XPO6: variants seen among roughly 807,000 people sequenced by gnomAD.
XPO6 encodes exportin-6.
Under a neutral mutation model 130.0 loss-of-function variants are expected in XPO6, and 3 were observed. The ratio of observed to expected loss-of-function variants is 0.02; its 90% CI spans 0.01 to 0.06. The LOEUF is 0.06. XPO6 is among the 10% of genes least tolerant of loss of function. The pLI is 1.00. For missense variants in XPO6, 970 were observed against 1,393.0 expected, an observed-to-expected ratio of 0.70 and a Z score of 4.83; for synonymous variants, 524 against 548.9, an observed-to-expected ratio of 0.95 and a Z score of 0.63.
chr16:28,101,615 T>C lies in XPO6; in HGVS notation c.3119A>G (p.Asp1040Gly). Reference protein sequence around the residue: ...LLQVLVHKSHDLLQEEIGIAI... With the variant: ...LLQVLVHKSHGLLQEEIGIAI... The stretch of plus-strand genomic sequence containing the variant: ...GATGCCAATCTCCTCCTGCAGAAGA[T>C]CATGGGACTTGTGGACCAGGACCTG... The change falls in exon 23 of 24, where the codon GAT becomes GGT. Residue 1040 changes from aspartate to glycine, a missense_variant. Coordinates refer to ENST00000304658, the MANE Select transcript of XPO6 (RefSeq NM_015171.4). The surrounding 1 kb of genome is among the most constrained non-coding windows in gnomAD (Gnocchi z 5.4). 6.2e-7 allele frequency: 1 copy of C among 1,614,124 alleles called. No individual in the cohort carries two copies. The highest frequency in any genetic ancestry group is 8.5e-7 in the Non-Finnish European group (1 of 1,179,978).
chr16:28,189,000 C>T (rs890473250), intron 1 of XPO6, among the ~76,000 whole-genome samples: 1 of 152,052 alleles, frequency 6.6e-6, no homozygotes, highest in East Asian at 1.9e-4. Context: ...CTTGCTCTGT[C>T]GCCCAGGCTG....
chr16:28,109,344 A>AT (rs1364535690), intron 17 of XPO6, among the ~76,000 whole-genome samples: 1 of 150,852 alleles, frequency 6.6e-6, no homozygotes, highest in African/African-American at 2.5e-5. Flanking sequence ...GCAATGCAGC[A>AT]AAGTGGTGCA....
At chr16:28,138,562 A>G (rs1337894337) in intron 9 of XPO6, among the ~76,000 whole-genome samples, 2 of 152,114 alleles carry the variant, frequency 1.3e-5, no homozygotes, top group East Asian at 3.9e-4. Flanking sequence ...GGAGGTGGAG[A>G]AAGTATATGG....
chr16:28,203,802 G>C (rs985372725), intron 1 of XPO6, among the ~76,000 whole-genome samples: 1 of 152,150 alleles, frequency 6.6e-6, no homozygotes, highest in East Asian at 1.9e-4. Context: ...AATTACACAT[G>C]CAAGAACAGG....
chr16:28,112,636 G>A (rs542917647), intron 16 of XPO6, among the ~76,000 whole-genome samples: 6 of 152,250 alleles, frequency 3.9e-5, no homozygotes, highest in South Asian at 2.1e-4. Flanking sequence ...AACACTGGCC[G>A]AAATTACCAG....
intron 2 of XPO6, among the ~76,000 whole-genome samples, chr16:28,179,822 G>A (rs2043588018): frequency 6.6e-6 from 1 of 152,102 alleles, no homozygotes; most frequent in Non-Finnish European, 1.5e-5. Flanking sequence ...ACTAAGACAA[G>A]CCTACTGTAT....
chr16:28,114,864 G>A (rs1358404684), intron 15 of XPO6, among the ~76,000 whole-genome samples: 2 of 152,168 alleles, frequency 1.3e-5, no homozygotes, highest in African/African-American at 2.4e-5. Context: ...CTGAGTTTAT[G>A]TGTTATTCTA....
At chr16:28,185,969 A>T (rs1435187359) in intron 1 of XPO6, among the ~76,000 whole-genome samples, 1 of 152,152 alleles carries the variant, frequency 6.6e-6, no homozygotes, top group Non-Finnish European at 1.5e-5. Flanking sequence ...GCCTGCCCTG[A>T]CTTTATCTGC....
chr16:28,162,165 A>G (rs756275255), intron 6 of XPO6, among the ~76,000 whole-genome samples: 3 of 152,258 alleles, frequency 2.0e-5, no homozygotes, highest in Non-Finnish European at 4.4e-5. Context: ...GACCATGGTC[A>G]TGGAAGTCAG....
intron 5 of XPO6, among the ~76,000 whole-genome samples, chr16:28,167,542 G>A (rs887067062): frequency 1.3e-5 from 2 of 152,004 alleles, no homozygotes; most frequent in African/African-American, 2.4e-5. Flanking sequence ...CCTGTCTGTC[G>A]CTCAAAATTC....
chr16:28,117,067 C>A, intron 15 of XPO6: 2 of 428,412 alleles, frequency 4.7e-6, no homozygotes, highest in Admixed American at 3.6e-5. Flanking sequence ...GTCTGGAAAT[C>A]TGAATGATAT....
At chr16:28,111,575 A>AT in intron 17 of XPO6, 1 of 419,560 alleles carries the variant, frequency 2.4e-6, no homozygotes, top group East Asian at 3.9e-5. Context: ...GGGCTCCAGC[A>AT]TTTTTTACAT....
intron 13 of XPO6, among the ~76,000 whole-genome samples, chr16:28,122,768 G>A (rs985611328): frequency 6.6e-6 from 1 of 152,042 alleles, no homozygotes; most frequent in Non-Finnish European, 1.5e-5. Context: ...AAATGTTTCA[G>A]ATGGGTTGAT....
At chr16:28,199,055 G>A (rs920798865) in intron 1 of XPO6, among the ~76,000 whole-genome samples, 9 of 152,108 alleles carry the variant, frequency 5.9e-5, no homozygotes, top group African/African-American at 9.7e-5. Flanking sequence ...CAGGAGAATC[G>A]CTTGAACCCA....
chr16:28,148,002 T>A (rs2043016383), intron 8 of XPO6, among the ~76,000 whole-genome samples: 1 of 152,056 alleles, frequency 6.6e-6, no homozygotes, highest in Admixed American at 6.5e-5. Context: ...GACTTGCCCA[T>A]CCAAGAGACA....
intron 1 of XPO6, among the ~76,000 whole-genome samples, chr16:28,198,341 T>A (rs1198444527): frequency 6.7e-6 from 1 of 149,146 alleles, no homozygotes; most frequent in African/African-American, 2.4e-5. Flanking sequence ...TTTTTTTTTT[T>A]AATTATCAAA....
intron 6 of XPO6, among the ~76,000 whole-genome samples, chr16:28,163,717 G>A (rs1348080468): frequency 6.6e-6 from 1 of 152,170 alleles, no homozygotes; most frequent in Non-Finnish European, 1.5e-5. Context: ...CAGAGTAAGT[G>A]GCAGGGCCAA....
Position 28,132,494 on chromosome 16 carries a change from A to G in XPO6, c.1537-91T>C. ...AACATTACAACATTAACACGTAACTATGGTGTGAGGAACAGGATCAAAACC... is the reference window on the plus strand; with the variant it reads ...AACATTACAACATTAACACGTAACTGTGGTGTGAGGAACAGGATCAAAACC... On this transcript the variant is annotated intron_variant, in intron 11 of 23. Coordinates refer to ENST00000304658, the MANE Select transcript of XPO6 (RefSeq NM_015171.4). This position sits in a 1 kb window ranked among gnomAD's most constrained non-coding sequence, Gnocchi z 4.0. 1.2e-6 allele frequency: 1 copy of G among 843,212 alleles called. No individual in the cohort carries two copies. The highest frequency in any genetic ancestry group is 1.9e-6 in the Non-Finnish European group (1 of 532,852). 52.2% of individuals were successfully genotyped at this position (843,212 alleles called of 1,614,324 possible).
At chr16:28,151,559 C>T (rs548869290) in intron 8 of XPO6, among the ~76,000 whole-genome samples, 2 of 152,178 alleles carry the variant, frequency 1.3e-5, no homozygotes, top group Admixed American at 6.5e-5. Flanking sequence ...TGGGGAGAAA[C>T]GAGGGGAAGT....
Sources: gnomAD v4.1 joint callset for allele counts (sites outside exome capture counted in the v4.1 genomes callset) on GRCh38, gnomAD v4.1.1 for gene constraint, Gnocchi (gnomAD v3.1) non-coding constraint, MANE v1.5 for transcripts, NCBI Gene and HGNC (gene_info 2026-07-23, HGNC 2026-07-21) for gene names.